KCNG2: variants seen among roughly 807,000 people sequenced by gnomAD.
KCNG2 encodes voltage-gated potassium channel regulatory subunit KCNG2.
In KCNG2, 7 loss-of-function variants were observed where a neutral mutation model predicts 12.3. That is an observed-to-expected ratio of 0.57 (90% confidence interval 0.32 to 1.07). The LOEUF (loss-of-function observed/expected upper bound fraction) is 1.07. KCNG2 is among the 50% of genes least tolerant of loss of function. KCNG2 has a pLI of 0.04. For missense variants in KCNG2, 703 were observed against 726.0 expected, an observed-to-expected ratio of 0.97 and a Z score of 0.36; for synonymous variants, 414 against 351.4, an observed-to-expected ratio of 1.18 and a Z score of -1.99.
chr18:79,890,896 G>A (rs1175174149), intron 3 of KCNG2, among the ~76,000 whole-genome samples: 1 of 152,184 alleles, frequency 6.6e-6, no homozygotes, highest in Non-Finnish European at 1.5e-5. Flanking sequence ...GTCTGTAAGA[G>A]CATGAATCAC....
At chr18:79,878,748 G>A (rs1443548144) in intron 3 of KCNG2, among the ~76,000 whole-genome samples, 2 of 152,232 alleles carry the variant, frequency 1.3e-5, no homozygotes, top group Admixed American at 1.3e-4. Context: ...ATCGTAAAGG[G>A]AGAAAAGAGT....
chr18:79,834,585 A>G (rs973261292), intron 1 of KCNG2, among the ~76,000 whole-genome samples: 1 of 152,192 alleles, frequency 6.6e-6, no homozygotes, highest in African/African-American at 2.4e-5. Context: ...TGGTACTCAA[A>G]CAAACAAACA....
Position 79,899,140 on chromosome 18 carries a change from G to A in KCNG2, c.725G>A (p.Ser242Asn), listed in dbSNP as rs933235270. The A allele has an allele frequency of 3.1e-6, 5 of 1,607,688 alleles. No individual in the cohort carries two copies. Among genetic ancestry groups the A allele is most frequent in the Non-Finnish European group, 4.2e-6 (5 of 1,179,550 alleles). The change falls in exon 4 of 4, where the codon AGC becomes AAC. Residue 242 changes from serine to asparagine, a missense_variant. Physicochemically the swap from Ser to Asn is conservative, Grantham distance 46. Transcript: ENST00000316249. ...EFLLRSLQAE[S>N]KCAFLRAPLN... ...CTGCTGCGCTCCCTGCAGGCCGAGA[G>A]CAAGTGCGCCTTCCTGCGCGCGCCA...
chr18:79,855,159 C>T (rs1312448996), intron 1 of KCNG2, among the ~76,000 whole-genome samples: 1 of 152,044 alleles, frequency 6.6e-6, no homozygotes, highest in East Asian at 1.9e-4. Flanking sequence ...CTGGCATGTG[C>T]TCACGGTGGA....
At chr18:79,820,191 C>T (rs2087560813) in intron 1 of KCNG2, among the ~76,000 whole-genome samples, 1 of 152,242 alleles carries the variant, frequency 6.6e-6, no homozygotes, top group South Asian at 2.1e-4. Context: ...AACGTCGGCG[C>T]TTGTATCCTC....
intron 2 of KCNG2, among the ~76,000 whole-genome samples, chr18:79,859,692 T>G (rs1979144600): frequency 1.3e-5 from 2 of 152,226 alleles, no homozygotes; most frequent in Admixed American, 1.3e-4. Context: ...AACTTTATTT[T>G]TTTACATGTG....
chr18:79,861,859 A>C (rs1047875504), intron 2 of KCNG2, among the ~76,000 whole-genome samples: 1 of 152,242 alleles, frequency 6.6e-6, no homozygotes, highest in Non-Finnish European at 1.5e-5. Flanking sequence ...GGATAGCATG[A>C]AATGATGTAT....
At chr18:79,887,815 A>G (rs1309310608) in intron 3 of KCNG2, among the ~76,000 whole-genome samples, 1 of 152,118 alleles carries the variant, frequency 6.6e-6, no homozygotes, top group East Asian at 1.9e-4. Context: ...GGGCCTGTGA[A>G]GTTCGGGAAT....
intron 1 of KCNG2, among the ~76,000 whole-genome samples, chr18:79,826,316 G>C (rs561238221): frequency 6.6e-6 from 1 of 152,384 alleles, no homozygotes; most frequent in East Asian, 1.9e-4. Context: ...GGTGTGTGGA[G>C]GCCCCTCCAG....
chr18:79,824,754 T>G (rs962808483), intron 1 of KCNG2, among the ~76,000 whole-genome samples: 2 of 152,210 alleles, frequency 1.3e-5, no homozygotes, highest in Non-Finnish European at 2.9e-5. Flanking sequence ...ATTATTATGG[T>G]GCATGATGTT....
At chr18:79,824,280 G>A (rs2087595480) in intron 1 of KCNG2, among the ~76,000 whole-genome samples, 1 of 152,272 alleles carries the variant, frequency 6.6e-6, no homozygotes, top group Non-Finnish European at 1.5e-5. Context: ...TTACAGGCGT[G>A]AGCCTCGGTG....
At chr18:79,892,811 T>C (rs1057341843) in intron 3 of KCNG2, among the ~76,000 whole-genome samples, 5 of 152,120 alleles carry the variant, frequency 3.3e-5, no homozygotes, top group Non-Finnish European at 5.9e-5. Context: ...TTTCATTGGG[T>C]TGTTCATGCC....
chr18:79,838,984 G>T (rs117890193), intron 1 of KCNG2, among the ~76,000 whole-genome samples: 2 of 152,114 alleles, frequency 1.3e-5, no homozygotes, highest in Non-Finnish European at 2.9e-5. Context: ...ACAAAGAGCC[G>T]ACTCTTTGAA....
intron 1 of KCNG2, among the ~76,000 whole-genome samples, chr18:79,828,784 G>C (rs931922779): frequency 2.8e-5 from 4 of 142,742 alleles, no homozygotes; most frequent in African/African-American, 1.0e-4. Context: ...ACGTGTCTGT[G>C]TGTGCATGTG....
rs892053986 is a variant in KCNG2 at position 79,803,142 on chromosome 18, C to T, written c.-115+5128C>T. Among the ~76,000 whole-genome samples, 19 of 152,174 alleles carry T rather than the reference C, an allele frequency of 1.2e-4. No individual in the cohort carries two copies. The highest frequency in any genetic ancestry group is 1.2e-3 in the Admixed American group (18 of 15,272). On this transcript the variant is annotated intron_variant, in intron 1 of 3. Transcript: ENST00000316249. The surrounding 1 kb of genome is among the most constrained non-coding windows in gnomAD (Gnocchi z 4.5). Reference sequence around the variant, plus strand: ...GCAGTGAGCCGAGATCGCGCCACTGCACTCCAGCCTGGGTGACAGAGCAAG... The same window carrying T: ...GCAGTGAGCCGAGATCGCGCCACTGTACTCCAGCCTGGGTGACAGAGCAAG...
intron 1 of KCNG2, among the ~76,000 whole-genome samples, chr18:79,820,136 G>C (rs1236539110): frequency 6.6e-6 from 1 of 152,236 alleles, no homozygotes; most frequent in Non-Finnish European, 1.5e-5. Flanking sequence ...TTGGCGACAC[G>C]TGGGCTGTCC....
chr18:79,818,669 C>T (rs535668864), intron 1 of KCNG2, among the ~76,000 whole-genome samples: 2 of 152,226 alleles, frequency 1.3e-5, no homozygotes, highest in Non-Finnish European at 2.9e-5. Context: ...GCTGGGCACT[C>T]TCTGGTCTGA....
chr18:79,801,741 T>C (rs2087411116), intron 1 of KCNG2, among the ~76,000 whole-genome samples: 1 of 152,232 alleles, frequency 6.6e-6, no homozygotes, highest in Non-Finnish European at 1.5e-5. Flanking sequence ...AATGTATTCT[T>C]GCATAGGATT....
chr18:79,823,704 G>A (rs2087589841), intron 1 of KCNG2, among the ~76,000 whole-genome samples: 1 of 151,998 alleles, frequency 6.6e-6, no homozygotes, highest in Admixed American at 6.6e-5. Flanking sequence ...TCCCCTTGTT[G>A]TTTTTCTTTT....
Sources: gnomAD v4.1 joint callset for allele counts (sites outside exome capture counted in the v4.1 genomes callset) on GRCh38, gnomAD v4.1.1 for gene constraint, Gnocchi (gnomAD v3.1) non-coding constraint, MANE v1.5 for transcripts, NCBI Gene and HGNC (gene_info 2026-07-23, HGNC 2026-07-21) for gene names.